Variants in EPB41L2 observed in about 807,000 individuals in gnomAD.
The protein encoded by EPB41L2 is erythrocyte membrane protein band 4.1 like 2, also known as band 4.1-like protein 2.
EPB41L2 carries 43 observed loss-of-function variants against 113.0 expected under a neutral mutation model. That is an observed-to-expected ratio of 0.38 (90% CI 0.30 to 0.49). The LOEUF (loss-of-function observed/expected upper bound fraction) is 0.49. Ranked by LOEUF, EPB41L2 falls within the 20% of genes least tolerant of loss-of-function variation. The pLI is 0.95. For missense variants in EPB41L2, 1,147 were observed against 1,223.4 expected (o/e 0.94, Z 0.93); for synonymous variants, 442 against 436.7 (o/e 1.01, Z -0.15).
chr6:130,987,915 C>T (rs1016787664), intron 1 of EPB41L2, among the ~76,000 whole-genome samples: 3 of 151,788 alleles, frequency 2.0e-5, no homozygotes, highest in African/African-American at 7.3e-5. Context: ...GGGTTCAAGA[C>T]CAGCCTGGGC....
rs779491573 is a variant in EPB41L2 at position 130,865,632 on chromosome 6, A to G, written c.2733T>C (p.Ile911=). 8 of 1,614,050 alleles carry G rather than the reference A, an allele frequency of 5.0e-6. No homozygotes were observed. The highest frequency in any genetic ancestry group is 6.8e-6 in the Non-Finnish European group (8 of 1,180,014). Residue 911 remains isoleucine, a splice_region_variant and synonymous_variant, in exon 17 of 20, where the codon ATT becomes ATC. Coordinates refer to ENST00000337057, the MANE Select transcript of EPB41L2 (RefSeq NM_001431.4). The part of the protein sequence containing the change: ...TKTITYESPQ[I]DGGAGGDSGT... ...CCGAATCACCACCAGCCCCGCCATC[A>G]ATCTTTGGATAGTTGGGGGAAAAAT...
At chr6:131,036,226 G>C (rs1584694231) in intron 1 of EPB41L2, among the ~76,000 whole-genome samples, 1 of 152,118 alleles carries the variant, frequency 6.6e-6, no homozygotes, top group South Asian at 2.1e-4. Flanking sequence ...ACAGTTTATG[G>C]AATGTTGTAA....
intron 6 of EPB41L2, among the ~76,000 whole-genome samples, chr6:130,902,572 A>G (rs1796601256): frequency 6.6e-6 from 1 of 152,226 alleles, no homozygotes; most frequent in Admixed American, 6.5e-5. Flanking sequence ...TGACCCGTAG[A>G]AAAACATAAG....
intron 1 of EPB41L2, among the ~76,000 whole-genome samples, chr6:130,999,597 A>C (rs1783914449): frequency 1.3e-5 from 2 of 152,202 alleles, no homozygotes; most frequent in Non-Finnish European, 2.9e-5. Context: ...TTCACCCTGC[A>C]TGATTGCTTC....
intron 16 of EPB41L2, among the ~76,000 whole-genome samples, chr6:130,866,689 A>G (rs1309800240): frequency 2.6e-5 from 4 of 152,230 alleles, no homozygotes; most frequent in Admixed American, 1.3e-4. Flanking sequence ...ACCATGATAC[A>G]ATTCTACCAC....
At chr6:130,950,444 A>G (rs1324656868) in intron 3 of EPB41L2, among the ~76,000 whole-genome samples, 1 of 152,192 alleles carries the variant, frequency 6.6e-6, no homozygotes, top group African/African-American at 2.4e-5. Context: ...ATTAGATGAA[A>G]TGGACAATCT....
chr6:130,895,157 G>A (rs780963773), intron 8 of EPB41L2, 38 bp from the exon 9 acceptor site: 1 of 1,549,756 alleles, frequency 6.5e-7, no homozygotes, highest in South Asian at 1.2e-5. Flanking sequence ...GTTAAGAGCT[G>A]TGAAAGTTAC....
In EPB41L2 at chr6:130,921,169, G is replaced by T. The variant is rs974006519; in HGVS notation, c.810+5436C>A. 2.3e-4 allele frequency among the ~76,000 whole-genome samples: 35 copies of T among 151,934 alleles called. 1 individual carries two copies. The highest frequency in any genetic ancestry group is 2.3e-3 in the Admixed American group (35 of 15,246). On this transcript the variant is annotated intron_variant, in intron 4 of 19. Transcript: ENST00000337057. ...TTCATCACCTCTAGACTAGACTACC[G>T]CAACTGTCTCCTGACCTTCCTGCCT...
intron 4 of EPB41L2, among the ~76,000 whole-genome samples, chr6:130,914,873 G>C (rs1465053237): frequency 6.6e-6 from 1 of 151,996 alleles, no homozygotes; most frequent in Non-Finnish European, 1.5e-5. Flanking sequence ...CCCAAAACAT[G>C]AACACAGTAA....
At chr6:130,976,077 C>A (rs972950011) in intron 1 of EPB41L2, among the ~76,000 whole-genome samples, 5 of 152,094 alleles carry the variant, frequency 3.3e-5, no homozygotes, top group Non-Finnish European at 5.9e-5. Context: ...TCTGATTGTA[C>A]AGGGAATCCA....
rs60350565 is a variant in EPB41L2, at chr6:130,892,403, C to CTTTTTTTTTT, written c.1487+1931_1488-1938dup. Among the ~76,000 whole-genome samples the CTTTTTTTTTT allele has an allele frequency of 3.4e-3, 314 of 92,542 alleles. 14 individuals carry two copies. The highest frequency in any genetic ancestry group is 1.0e-2 in the African/African-American group (287 of 28,842). 60.7% of individuals were successfully genotyped at this position (92,542 alleles called of 152,430 possible). A position where few individuals can be genotyped will look rare whatever the true frequency, so the allele number is the denominator to read the frequency against. On this transcript the variant is annotated intron_variant, in intron 10 of 19. Coordinates refer to ENST00000337057, the MANE Select transcript of EPB41L2 (RefSeq NM_001431.4). ...CTTGCCATTTCTGAACAGATTATTG[C>CTTTTTTTTTT]TTTTTTTTTTTTTTTTTTTATCATT...
chr6:130,898,519 C>T (rs553966404), intron 8 of EPB41L2, among the ~76,000 whole-genome samples: 10 of 152,254 alleles, frequency 6.6e-5, no homozygotes, highest in Non-Finnish European at 1.0e-4. Context: ...TCATTCTCCT[C>T]GACTCTCCCC....
chr6:130,944,162 T>TACACACACACACACACACACAC (rs537919934), intron 3 of EPB41L2, among the ~76,000 whole-genome samples: 5 of 132,998 alleles, frequency 3.8e-5, no homozygotes, highest in East Asian at 5.1e-4. Context: ...TATACGTACA[T>TACACACACACACACACACACAC]ACACACACAT....
chr6:130,842,274 T>C (rs561967930), intron 19 of EPB41L2, among the ~76,000 whole-genome samples: 1 of 139,146 alleles, frequency 7.2e-6, no homozygotes, highest in South Asian at 2.5e-4. Context: ...CATTAGTACT[T>C]CTGTTTGATT....
chr6:130,874,964 A>G (rs899378452), intron 14 of EPB41L2, among the ~76,000 whole-genome samples: 1 of 152,224 alleles, frequency 6.6e-6, no homozygotes, highest in African/African-American at 2.4e-5. Flanking sequence ...GTAATATTTC[A>G]AAGCATGTGA....
At chr6:131,028,967 C>T (rs1451195461) in intron 1 of EPB41L2, among the ~76,000 whole-genome samples, 1 of 152,096 alleles carries the variant, frequency 6.6e-6, no homozygotes, top group Non-Finnish European at 1.5e-5. Context: ...ACTAAGGGTA[C>T]ACCAAAATGA....
intron 1 of EPB41L2, among the ~76,000 whole-genome samples, chr6:130,991,259 AC>A (rs1781797946): frequency 6.6e-6 from 1 of 152,012 alleles, no homozygotes; most frequent in African/African-American, 2.4e-5. Context: ...AGTAATGTGT[AC>A]CCCCACAGCT....
chr6:130,885,221 C>T lies in EPB41L2; in HGVS notation c.1708G>A (p.Ala570Thr), dbSNP rs377029691. 20 of 1,614,100 alleles carry T rather than the reference C, an allele frequency of 1.2e-5. No homozygotes were observed. The highest frequency in any genetic ancestry group is 4.5e-5 in the East Asian group (2 of 44,872). The part of the protein sequence containing the change: ...DQSLMKDFPG[A>T]AGEISAYGPG... Reference sequence around the variant, plus strand: ...CCATAGGCTGAAATCTCCCCAGCAGCGCCAGGAAAATCCTTCATAAGACTT... The same window carrying T: ...CCATAGGCTGAAATCTCCCCAGCAGTGCCAGGAAAATCCTTCATAAGACTT... Residue 570 changes from alanine (A) to threonine (T), a missense_variant, in exon 12 of 20, where the codon GCT becomes ACT. By Grantham distance (58) the Ala-to-Thr change is moderately conservative. Transcript: ENST00000337057.
intron 15 of EPB41L2, 196 bp from the exon 16 acceptor site, chr6:130,867,777 C>T (rs1784274508): frequency 6.9e-6 from 4 of 581,176 alleles, no homozygotes; most frequent in Admixed American, 2.9e-5. Context: ...CATATATACA[C>T]ATACATACAT....
Sources: allele counts gnomAD v4.1 joint callset (sites outside exome capture counted in the v4.1 genomes callset), GRCh38; gene constraint gnomAD v4.1.1; transcripts MANE v1.5; gene names NCBI Gene and HGNC (gene_info 2026-07-23, HGNC 2026-07-21).